SOD2: variants seen among roughly 807,000 people sequenced by gnomAD.
SOD2 encodes superoxide dismutase 2.
In SOD2, 11 loss-of-function variants were observed where a neutral mutation model predicts 27.0. That is an observed-to-expected ratio of 0.41 (90% CI 0.26 to 0.67). SOD2 has a LOEUF of 0.67. Among genes scored for constraint, SOD2 ranks in the 30% least tolerant of loss-of-function variants. The probability of loss-of-function intolerance (pLI) is 0.34; values close to 1 mark genes in which losing one functional copy is unlikely to be tolerated. For missense variants in SOD2, 250 were observed against 274.5 expected (o/e 0.91, Z 0.63); for synonymous variants, 105 against 103.0 (o/e 1.02, Z -0.12).
In SOD2 at chr6:159,705,661, A is replaced by G. The variant is rs532350215; in HGVS notation, c.-115-12798T>C. 5.2e-3 allele frequency among the ~76,000 whole-genome samples: 786 copies of G among 152,082 alleles called. 3 individuals carry two copies. The highest frequency in any genetic ancestry group is 7.6e-3 in the Non-Finnish European group (514 of 67,986). On this transcript the variant is annotated intron_variant, in intron 1 of 2. Transcript: ENST00000401980. ...TCTGATTGGTGTACCTGAAAGTGAC[A>G]GGGAGAATGGAACCAAGCTGGAAAA...
chr6:159,757,781 T>C (rs1017978129), intron 1 of SOD2, among the ~76,000 whole-genome samples: 1 of 152,250 alleles, frequency 6.6e-6, no homozygotes, highest in Non-Finnish European at 1.5e-5. Flanking sequence ...TGCATGTGAT[T>C]AAACATTTTG....
intron 1 of SOD2, chr6:159,760,985 T>C (rs780154235): frequency 2.0e-5 from 3 of 152,424 alleles, no homozygotes; most frequent in African/African-American, 7.2e-5. Flanking sequence ...TGCACTGTTA[T>C]GCAATTTTTT....
chr6:159,747,836 G>A (rs1189559659), upstream of SOD2, among the ~76,000 whole-genome samples: 1 of 152,102 alleles, frequency 6.6e-6, no homozygotes, highest in Non-Finnish European at 1.5e-5. Context: ...GCCACTTTAA[G>A]TCCCAGATTT....
rs1198878020 is a variant in SOD2 at position 159,670,580 on chromosome 6, G to A, written c.*11913C>T. The A allele has an allele frequency of 6.6e-6, 1 of 152,468 alleles. No individual in the cohort carries two copies. Among genetic ancestry groups the A allele is most frequent in the Admixed American group, 6.5e-5 (1 of 15,274 alleles). The allele number at this position is 152,468 out of a possible 1,614,324, so 9.4% of individuals were successfully genotyped here. A position where few individuals can be genotyped will look rare whatever the true frequency, so the allele number is the denominator to read the frequency against. ...CCTCTATAATCATAGTCAATACACA[G>A]AGAAAACCAAAAAATGCCAGACTTG... On this transcript the variant is annotated 3_prime_UTR_variant, in exon 5 of 5. Transcript: ENST00000538183.
upstream of SOD2, chr6:159,727,794 G>C (rs1269067975): frequency 5.4e-6 from 5 of 929,558 alleles, no homozygotes; most frequent in African/African-American, 1.8e-5. Flanking sequence ...TAAGGGGCGG[G>C]CAGGGCCCGA....
chr6:159,750,169 T>A (rs1779767118), upstream of SOD2, among the ~76,000 whole-genome samples: 1 of 152,220 alleles, frequency 6.6e-6, no homozygotes, highest in African/African-American at 2.4e-5. Flanking sequence ...GAAATTAGCT[T>A]ATGTGCTTGC....
chr6:159,719,662 T>A (rs1183809584), intron 1 of SOD2, among the ~76,000 whole-genome samples: 1 of 150,600 alleles, frequency 6.6e-6, no homozygotes, highest in African/African-American at 2.4e-5. Flanking sequence ...GGCTAAGTAT[T>A]AGGCTGATGG....
At chr6:159,734,127 G>T (rs528247852) in intron 1 of SOD2, among the ~76,000 whole-genome samples, 1 of 152,232 alleles carries the variant, frequency 6.6e-6, no homozygotes, top group Non-Finnish European at 1.5e-5. Context: ...TCCTTTTGAG[G>T]AATCTCAAAA....
chr6:159,679,841 C>T lies in SOD2; in HGVS notation c.*2652G>A, dbSNP rs1021347687. The stretch of plus-strand genomic sequence containing the variant: ...AGACAGGGTTTCACCACGTTGGCCA[C>T]GCTGGTCTTGAACTCCTTCAAGTGT... On this transcript the variant is annotated 3_prime_UTR_variant, in exon 5 of 5. Transcript: ENST00000538183. The T allele has an allele frequency of 1.3e-5, 2 of 152,062 alleles. No homozygotes were observed. The highest frequency in any genetic ancestry group is 4.8e-5 in the African/African-American group (2 of 41,402). The allele number at this position is 152,062 out of a possible 1,614,324, so 9.4% of individuals were successfully genotyped here.
In SOD2 at chr6:159,673,667, C is replaced by G. The variant is rs886655544; in HGVS notation, c.*8826G>C. The stretch of plus-strand genomic sequence containing the variant: ...GCAGGAAAGATCTAAAATTGACACT[C>G]TAACATCACAATTAAAAATATTAGA... On this transcript the variant is annotated 3_prime_UTR_variant, in exon 5 of 5. Transcript: ENST00000538183. 2 of 152,118 alleles carry G rather than the reference C, an allele frequency of 1.3e-5. No homozygotes were observed. The highest frequency in any genetic ancestry group is 2.9e-5 in the Non-Finnish European group (2 of 68,032). The allele number at this position is 152,118 out of a possible 1,614,324, so 9.4% of individuals were successfully genotyped here. A position where few individuals can be genotyped will look rare whatever the true frequency, so the allele number is the denominator to read the frequency against.
In SOD2 at chr6:159,675,847, C is replaced by T. The variant is rs1779768288; in HGVS notation, c.*6646G>A. ...TGGGAGAAAATTTTTGCAATCTACT[C>T]ATCTGACAAAGGGCTAATATCCAGA... On this transcript the variant is annotated 3_prime_UTR_variant, in exon 5 of 5. Coordinates refer to ENST00000538183, the MANE Select transcript of SOD2 (RefSeq NM_000636.4). 6.6e-6 allele frequency: 1 copy of T among 152,160 alleles called. No individual in the cohort carries two copies. Among genetic ancestry groups the T allele is most frequent in the African/African-American group, 2.4e-5 (1 of 41,410 alleles). 9.4% of individuals were successfully genotyped at this position (152,160 alleles called of 1,614,324 possible). A position where few individuals can be genotyped will look rare whatever the true frequency, so the allele number is the denominator to read the frequency against.
rs1045802088 is a variant in SOD2 at position 159,672,937 on chromosome 6, G to A, written c.*9556C>T. 6 of 151,972 alleles carry A rather than the reference G, an allele frequency of 3.9e-5. No individual in the cohort carries two copies. The highest frequency in any genetic ancestry group is 7.4e-5 in the Non-Finnish European group (5 of 68,000). The allele number at this position is 151,972 out of a possible 1,614,324, so 9.4% of individuals were successfully genotyped here. On this transcript the variant is annotated 3_prime_UTR_variant, in exon 5 of 5. Coordinates refer to ENST00000538183, the MANE Select transcript of SOD2 (RefSeq NM_000636.4). Reference sequence around the variant, plus strand: ...CAAACGGAAAACAAAAAAAAAGGCCGGGGTTGCAATCCTAGTCTCTGATAA... The same window carrying A: ...CAAACGGAAAACAAAAAAAAAGGCCAGGGTTGCAATCCTAGTCTCTGATAA...
At chr6:159,687,745 A>C (rs1255324822) in intron 3 of SOD2, among the ~76,000 whole-genome samples, 1 of 152,022 alleles carries the variant, frequency 6.6e-6, no homozygotes, top group Non-Finnish European at 1.5e-5. Context: ...ACGGTGGCTC[A>C]TGCCTGTAAT....
At chr6:159,717,890 T>C (rs1777949913) in intron 1 of SOD2, among the ~76,000 whole-genome samples, 1 of 124,390 alleles carries the variant, frequency 8.0e-6, no homozygotes, top group Non-Finnish European at 1.7e-5. Flanking sequence ...CATATATATG[T>C]ATGGATATGT....
In SOD2 at chr6:159,679,947, C is replaced by T. The variant is rs1358484600; in HGVS notation, c.*2546G>A. The T allele has an allele frequency of 6.6e-6, 1 of 152,134 alleles. No homozygotes were observed. The highest frequency in any genetic ancestry group is 1.5e-5 in the Non-Finnish European group (1 of 68,048). The allele number at this position is 152,134 out of a possible 1,614,324, so 9.4% of individuals were successfully genotyped here. ...CAGCCCTAAACAATCTTAAAGTCTC[C>T]TTTTCCACCAGATGACTAAAATCTT... is the stretch of plus-strand genomic sequence containing the variant. On this transcript the variant is annotated 3_prime_UTR_variant, in exon 5 of 5. Coordinates refer to ENST00000538183, the MANE Select transcript of SOD2 (RefSeq NM_000636.4).
intron 1 of SOD2, 102 bp from the exon 2 acceptor site, chr6:159,692,965 G>A (rs984570198): frequency 2.2e-6 from 3 of 1,354,972 alleles, no homozygotes; most frequent in Non-Finnish European, 1.9e-6. Context: ...CCGAGTCCCC[G>A]CGTCCCCTCC....
intron 1 of SOD2, among the ~76,000 whole-genome samples, chr6:159,709,166 G>A (rs988333549): frequency 3.9e-5 from 6 of 152,084 alleles, no homozygotes; most frequent in Non-Finnish European, 8.8e-5. Context: ...AAAAACCCTA[G>A]AAGAAAACCT....
At chr6:159,753,329 T>C (rs752548611) in intron 1 of SOD2, 23 of 1,250,280 alleles carry the variant, frequency 1.8e-5, no homozygotes, top group Non-Finnish European at 2.4e-5. Context: ...GAAAAGAAGA[T>C]GGTAATTATG....
chr6:159,729,924 C>G (rs1778465320), upstream of SOD2, among the ~76,000 whole-genome samples: 1 of 152,274 alleles, frequency 6.6e-6, no homozygotes, highest in South Asian at 2.1e-4. Context: ...ATCTGGGATG[C>G]TAGGCACCTA....
Sources: gnomAD v4.1 joint callset for allele counts (sites outside exome capture counted in the v4.1 genomes callset) on GRCh38, gnomAD v4.1.1 for gene constraint, MANE v1.5 for transcripts, NCBI Gene and HGNC (gene_info 2026-07-23, HGNC 2026-07-21) for gene names.